MYO10: variants seen among roughly 807,000 people sequenced by gnomAD.
MYO10 encodes unconventional myosin-X.
MYO10 carries 133 observed loss-of-function variants against 257.3 expected under a neutral mutation model. That is an observed-to-expected ratio of 0.52 (90% CI 0.45 to 0.60). The LOEUF is 0.60. MYO10 is among the 20% of genes least tolerant of loss of function. The pLI, the probability that MYO10 is intolerant of heterozygous loss-of-function variation, is 0.00. For synonymous variants in MYO10, 1,104 were observed against 1,028.6 expected (o/e 1.07, Z -1.40); for missense variants, 2,399 against 2,635.7 (o/e 0.91, Z 1.97).
At chr5:16,841,813 C>T (rs1032424519) in intron 2 of MYO10, among the ~76,000 whole-genome samples, 1 of 152,106 alleles carries the variant, frequency 6.6e-6, no homozygotes, top group African/African-American at 2.4e-5. Context: ...AATAATAAAG[C>T]TCATGATCTC....
chr5:16,891,320 AAAGGAAGGAAGG>A (rs59008302), intron 1 of MYO10, among the ~76,000 whole-genome samples: 2,522 of 87,964 alleles, frequency 0.029, 75 homozygotes, highest in East Asian at 0.068. Flanking sequence ...GGAGAAGAGA[AAAGGAAGGAAGG>A]AAGGAAGGAA....
At chr5:16,927,482 G>T (rs919497797) in intron 1 of MYO10, among the ~76,000 whole-genome samples, 1 of 152,022 alleles carries the variant, frequency 6.6e-6, no homozygotes, top group Non-Finnish European at 1.5e-5. Flanking sequence ...CAGCCACCAC[G>T]CCCAGCTAGT....
intron 3 of MYO10, among the ~76,000 whole-genome samples, chr5:16,797,645 T>C (rs147374581): frequency 2.2e-4 from 33 of 152,238 alleles, no homozygotes; most frequent in Middle Eastern, 3.4e-3. Flanking sequence ...CAAAAAGGAA[T>C]AAAGTGCTGA....
intron 1 of MYO10, among the ~76,000 whole-genome samples, chr5:16,882,852 G>C (rs551316614): frequency 2.0e-5 from 3 of 151,932 alleles, no homozygotes; most frequent in Admixed American, 6.6e-5. Flanking sequence ...CATTCTACTG[G>C]GCACCTATAA....
intron 2 of MYO10, among the ~76,000 whole-genome samples, chr5:16,864,462 G>GTGAATACACA (rs1744188435): frequency 6.6e-6 from 1 of 152,196 alleles, no homozygotes; most frequent in Non-Finnish European, 1.5e-5. Context: ...GAATAGGTGT[G>GTGAATACACA]TGAATACACA....
chr5:16,910,300 T>C (rs573238547), intron 1 of MYO10, among the ~76,000 whole-genome samples: 4 of 152,294 alleles, frequency 2.6e-5, no homozygotes, highest in African/African-American at 9.6e-5. Context: ...CAATCCAGTT[T>C]GTCTTTGTTT....
At chr5:16,842,757 C>A (rs1018591808) in intron 2 of MYO10, among the ~76,000 whole-genome samples, 1 of 151,892 alleles carries the variant, frequency 6.6e-6, no homozygotes, top group Admixed American at 6.6e-5. Context: ...AAAACCCCAT[C>A]TCTACAAAAA....
At chr5:16,932,669 A>T (rs992440225) in intron 1 of MYO10, among the ~76,000 whole-genome samples, 1 of 152,196 alleles carries the variant, frequency 6.6e-6, no homozygotes, top group Non-Finnish European at 1.5e-5. Flanking sequence ...CAGTTTCTCT[A>T]ATCCTGGAGA....
intron 2 of MYO10, among the ~76,000 whole-genome samples, chr5:16,851,225 C>A (rs183064744): frequency 6.6e-6 from 1 of 152,216 alleles, no homozygotes; most frequent in Admixed American, 6.5e-5. Flanking sequence ...CATTATGTTC[C>A]GGAGACTCTG....
At chr5:16,846,252 A>T (rs31502) in intron 2 of MYO10, among the ~76,000 whole-genome samples, 109,251 of 152,106 alleles carry the variant, frequency 0.72, 39,816 homozygotes, top group East Asian at 0.84. Context: ...GTCTCTAAGT[A>T]CCATGAGACT....
intron 19 of MYO10, among the ~76,000 whole-genome samples, chr5:16,754,273 A>G (rs536084689): frequency 3.9e-5 from 6 of 152,268 alleles, no homozygotes; most frequent in Middle Eastern, 3.4e-3. Flanking sequence ...ATTCCTTGTA[A>G]TCGGATTATG....
At chr5:16,680,176 T>C in intron 32 of MYO10, 72 bp from the exon 33 acceptor site, 2 of 1,513,890 alleles carry the variant, frequency 1.3e-6, no homozygotes, top group South Asian at 2.5e-5. Context: ...GCCTGTGTCC[T>C]CTCTGACCTC....
intron 2 of MYO10, among the ~76,000 whole-genome samples, chr5:16,830,679 G>GCACACACACACACACTCACACA (rs1554000808): frequency 0.029 from 4,273 of 149,004 alleles, 198 homozygotes; most frequent in African/African-American, 0.1. Context: ...TTTTTAATAG[G>GCACACACACACACACTCACACA]CACACACACA....
At chr5:16,834,155 C>T (rs1331842944) in intron 2 of MYO10, among the ~76,000 whole-genome samples, 1 of 152,104 alleles carries the variant, frequency 6.6e-6, no homozygotes, top group Non-Finnish European at 1.5e-5. Context: ...CCAGTCACCC[C>T]TCTTTTGAGT....
chr5:16,790,305 C>T (rs1423950783), intron 4 of MYO10, among the ~76,000 whole-genome samples: 1 of 152,120 alleles, frequency 6.6e-6, no homozygotes, highest in Non-Finnish European at 1.5e-5. Flanking sequence ...AGACACTGTG[C>T]TGGGTACCAG....
At chr5:16,767,713 T>A (rs1244635057) in intron 10 of MYO10, among the ~76,000 whole-genome samples, 5 of 152,102 alleles carry the variant, frequency 3.3e-5, no homozygotes, top group African/African-American at 1.2e-4. Context: ...AGTCTCACTT[T>A]GTCACCCAGG....
At chr5:16,865,792 CAG>C (rs1179620498) in intron 2 of MYO10, among the ~76,000 whole-genome samples, 4 of 145,470 alleles carry the variant, frequency 2.7e-5, no homozygotes, top group Admixed American at 1.4e-4. Flanking sequence ...GCCTGGGTGA[CAG>C]AGTTAGACTC....
At chr5:16,778,195 A>C (rs1322955413) in intron 9 of MYO10, among the ~76,000 whole-genome samples, 6 of 152,100 alleles carry the variant, frequency 3.9e-5, no homozygotes, top group Admixed American at 6.6e-5. Flanking sequence ...ACTTAAGATC[A>C]CAGTGATGAA....
At chr5:16,810,516 G>T (rs1278572501) in intron 3 of MYO10, among the ~76,000 whole-genome samples, 1 of 152,090 alleles carries the variant, frequency 6.6e-6, no homozygotes, top group Non-Finnish European at 1.5e-5. Flanking sequence ...AAACAGACTG[G>T]GTGCAGTGGC....
Sources: gnomAD v4.1 joint callset for allele counts (sites outside exome capture counted in the v4.1 genomes callset) on GRCh38, gnomAD v4.1.1 for gene constraint, MANE v1.5 for transcripts, NCBI Gene and HGNC (gene_info 2026-07-23, HGNC 2026-07-21) for gene names.